The following TIMM44 variants were observed in gnomAD, a reference collection of about 807,000 sequenced individuals.
TIMM44 encodes translocase of inner mitochondrial membrane 44, also known as mitochondrial import inner membrane translocase subunit TIM44.
TIMM44 carries 37 observed loss-of-function variants against 63.8 expected under a neutral mutation model. That is an observed-to-expected ratio of 0.58 (90% confidence interval 0.45 to 0.76). The LOEUF is 0.76. Ranked by LOEUF, TIMM44 falls within the 30% of genes least tolerant of loss-of-function variation. The pLI, the probability that TIMM44 is intolerant of heterozygous loss-of-function variation, is 0.00. For missense variants in TIMM44, 573 were observed against 603.8 expected, an observed-to-expected ratio of 0.95 and a Z score of 0.54; for synonymous variants, 239 against 245.1, an observed-to-expected ratio of 0.98 and a Z score of 0.23.
Position 7,933,611 on chromosome 19 carries a change from G to T in TIMM44, c.684-41C>A. 6.4e-7 allele frequency: 1 copy of T among 1,567,662 alleles called. No individual in the cohort carries two copies. The highest frequency in any genetic ancestry group is 1.3e-5 in the African/African-American group (1 of 74,076). ...GGCCCTGGGGTGAGCGGCGGCGCCA[G>T]GGCCACCCTGTGCCCTCCTGCGGCT... On this transcript the variant is annotated intron_variant, in intron 6 of 12. Transcript: ENST00000270538. This position sits in a 1 kb window ranked among gnomAD's most constrained non-coding sequence, Gnocchi z 4.3.
At chr19:7,930,997 G>A (rs999590340) in intron 10 of TIMM44, 141 bp downstream of exon 10, 3 of 715,582 alleles carry the variant, frequency 4.2e-6, no homozygotes, top group Non-Finnish European at 7.3e-6. Context: ...CTCTCGGAGG[G>A]TGAGACGTGA....
Position 7,927,032 on chromosome 19 carries a change from C to T in TIMM44, c.*155G>A. On this transcript the variant is annotated 3_prime_UTR_variant, in exon 13 of 13. Transcript: ENST00000270538. ...CCGCGCACCCGCAACAGCCCGTTGT[C>T]CCCTCCCGGGCCAGCTGGTCTTGCA... The T allele has an allele frequency of 5.3e-6, 6 of 1,125,420 alleles. No homozygotes were observed. Among genetic ancestry groups the T allele is most frequent in the Non-Finnish European group, 7.6e-6 (6 of 786,774 alleles). 69.7% of individuals were successfully genotyped at this position (1,125,420 alleles called of 1,614,324 possible). A position where few individuals can be genotyped will look rare whatever the true frequency, so the allele number is the denominator to read the frequency against.
intron 9 of TIMM44, 109 bp from the exon 10 acceptor site, chr19:7,931,297 A>G (rs1344933926): frequency 3.9e-6 from 4 of 1,035,084 alleles, no homozygotes; most frequent in Non-Finnish European, 6.1e-6. Flanking sequence ...TTCCTCAGAC[A>G]CCCCCGGCTG....
chr19:7,934,959 A>T lies in TIMM44; in HGVS notation c.393+106T>A. ...GGTGGCAGCACGCCCCATGCCACCCACTGCTGCCAAGCCACCCCCACCCAG... is the reference window on the plus strand; with the variant it reads ...GGTGGCAGCACGCCCCATGCCACCCTCTGCTGCCAAGCCACCCCCACCCAG... On this transcript the variant is annotated intron_variant, in intron 4 of 12. Coordinates refer to ENST00000270538, the MANE Select transcript of TIMM44 (RefSeq NM_006351.4). This position sits in a 1 kb window ranked among gnomAD's most constrained non-coding sequence, Gnocchi z 5.3. 9.7e-7 allele frequency: 1 copy of T among 1,033,686 alleles called. No homozygotes were observed. The highest frequency in any genetic ancestry group is 1.5e-6 in the Non-Finnish European group (1 of 678,748). 64.0% of individuals were successfully genotyped at this position (1,033,686 alleles called of 1,614,324 possible). A position where few individuals can be genotyped will look rare whatever the true frequency, so the allele number is the denominator to read the frequency against.
Position 7,927,789 on chromosome 19 carries a change from G to T in TIMM44, c.1129-22C>A, listed in dbSNP as rs201223015. ...CCAGCTGCAGAGGGGCCGAGAGGGG[G>T]GATGTGCCTCAGAGGACAGCCCGGC... On this transcript the variant is annotated intron_variant, in intron 11 of 12. Transcript: ENST00000270538. 2.5e-6 allele frequency: 4 copies of T among 1,604,720 alleles called. No homozygotes were observed. The African/African-American group carries it at 4.0e-5, about 16-fold the overall frequency.
At chr19:7,929,060 G>A (rs978942860) in intron 10 of TIMM44, 1 of 152,110 alleles carries the variant, frequency 6.6e-6, no homozygotes, top group Non-Finnish European at 1.5e-5. Context: ...TATGAGCTGG[G>A]TGCAGAATAG....
chr19:7,935,297 C>CTGGGACTACA (rs1437048289), intron 3 of TIMM44, 152 bp from the exon 4 acceptor site: 9 of 705,290 alleles, frequency 1.3e-5, no homozygotes, highest in Non-Finnish European at 1.9e-5. Context: ...TCCCGAGTAG[C>CTGGGACTACA]TGGGACTACA....
At position 7,931,147 on chromosome 19, in the gene TIMM44, G is replaced by A. The variant is rs1983971239; in HGVS notation, c.1029C>T (p.Cys343=). 1.2e-6 allele frequency: 2 copies of A among 1,613,428 alleles called. No individual in the cohort carries two copies. Among genetic ancestry groups the A allele is most frequent in the African/African-American group, 2.7e-5 (2 of 74,842 alleles). Residue 343 remains cysteine (C), a synonymous_variant, in exon 10 of 13, where the codon TGC becomes TGT. Transcript: ENST00000270538. ...SGELDILKDW[C]YEATYSQLAH... ...GAAAGGAAGTACTCACAGCTTCATA[G>A]CACCAGTCTTTGAGAATGTCAAGCT...
intron 2 of TIMM44, among the ~76,000 whole-genome samples, chr19:7,938,596 CAGG>C (rs1194653933): frequency 6.6e-6 from 1 of 152,112 alleles, no homozygotes; most frequent in Non-Finnish European, 1.5e-5. Flanking sequence ...CACCTGAGGT[CAGG>C]AGTTCGAGAC....
intron 3 of TIMM44, 46 bp downstream of exon 3, chr19:7,937,981 A>G (rs1984202841): frequency 8.1e-6 from 13 of 1,609,674 alleles, no homozygotes; most frequent in African/African-American, 1.3e-5. Context: ...TCGCACCACT[A>G]CTCTCCAGCC....
At chr19:7,935,754 A>C (rs1984134890) in intron 3 of TIMM44, among the ~76,000 whole-genome samples, 1 of 152,158 alleles carries the variant, frequency 6.6e-6, no homozygotes, top group Non-Finnish European at 1.5e-5. Flanking sequence ...CTTGCCTGTC[A>C]TCACTGTGCC....
intron 11 of TIMM44, 87 bp downstream of exon 11, chr19:7,927,990 C>T: frequency 1.5e-6 from 2 of 1,350,248 alleles, no homozygotes; most frequent in Middle Eastern, 1.8e-4. Context: ...TGGCCCCCAG[C>T]CCCTGGCAAG....
chr19:7,930,166 T>G (rs1330956825), intron 10 of TIMM44, among the ~76,000 whole-genome samples: 1 of 150,188 alleles, frequency 6.7e-6, no homozygotes, highest in Non-Finnish European at 1.5e-5. Flanking sequence ...TTAGTGACAG[T>G]GTCTTGATCT....
chr19:7,940,989 C>G (rs954550308), intron 2 of TIMM44, 113 bp downstream of exon 2: 11 of 832,550 alleles, frequency 1.3e-5, no homozygotes, highest in African/African-American at 5.0e-5. Context: ...AGAAGGCCCA[C>G]CACCGAGATG....
Position 7,931,110 on chromosome 19 carries a change from A to C in TIMM44, c.1038+28T>G, listed in dbSNP as rs201242691. 1.9e-6 allele frequency: 3 copies of C among 1,609,664 alleles called. No individual in the cohort carries two copies. The East Asian group carries it at 6.7e-5, about 36-fold the overall frequency. The stretch of plus-strand genomic sequence containing the variant: ...GGTGATTTTTTAGGCCTTAAAAAAA[A>C]AAAAAGAAAAAGAAAGGAAGTACTC... On this transcript the variant is annotated intron_variant, in intron 10 of 12. Transcript: ENST00000270538.
At chr19:7,927,455 AC>A in intron 12 of TIMM44, 149 bp from the exon 13 acceptor site, 1 of 1,106,968 alleles carries the variant, frequency 9.0e-7, no homozygotes. Flanking sequence ...AGACTCAGGA[AC>A]CACTCAGCCT....
intron 1 of TIMM44, among the ~76,000 whole-genome samples, chr19:7,941,542 G>A (rs190205587): frequency 5.9e-5 from 9 of 151,936 alleles, no homozygotes; most frequent in East Asian, 1.9e-4. Flanking sequence ...CCCCTCCCCC[G>A]GTTTTCCAAA....
chr19:7,940,057 C>G (rs1188714854), intron 2 of TIMM44, among the ~76,000 whole-genome samples: 2 of 152,172 alleles, frequency 1.3e-5, no homozygotes, highest in African/African-American at 4.8e-5. Context: ...TGTCAAGCTA[C>G]AAGAGAAAGC....
At chr19:7,939,741 C>G (rs560400482) in intron 2 of TIMM44, among the ~76,000 whole-genome samples, 1 of 151,934 alleles carries the variant, frequency 6.6e-6, no homozygotes, top group South Asian at 2.1e-4. Context: ...CATGGTGAAA[C>G]CTTGTCTCTA....
Sources: allele counts gnomAD v4.1 joint callset (sites outside exome capture counted in the v4.1 genomes callset), GRCh38; gene constraint gnomAD v4.1.1; non-coding constraint Gnocchi (gnomAD v3.1); transcripts MANE v1.5; gene names NCBI Gene and HGNC (gene_info 2026-07-23, HGNC 2026-07-21).